Variants in MALRD1 observed in about 807,000 individuals in gnomAD.
MALRD1 encodes MAM and LDL receptor class A domain containing 1.
A neutral mutation model predicts 242.1 loss-of-function variants in MALRD1; 247 were observed. The observed-to-expected ratio is 1.02, with a 90% confidence interval of 0.92 to 1.13. The LOEUF (loss-of-function observed/expected upper bound fraction) is 1.13. MALRD1 is among the 50% of genes most tolerant of loss of function. The probability of loss-of-function intolerance (pLI) is 0.00; values close to 1 mark genes in which losing one functional copy is unlikely to be tolerated. For synonymous variants in MALRD1, 995 were observed against 866.6 expected, an observed-to-expected ratio of 1.15 and a Z score of -2.60; for missense variants, 2,989 against 2,533.1, an observed-to-expected ratio of 1.18 and a Z score of -3.86.
At chr10:19,357,710 A>G (rs1298003247) in intron 26 of MALRD1, among the ~76,000 whole-genome samples, 1 of 152,154 alleles carries the variant, frequency 6.6e-6, no homozygotes, top group African/African-American at 2.4e-5. Flanking sequence ...CACAATGTAA[A>G]CTGGGATAAA....
intron 18 of MALRD1, among the ~76,000 whole-genome samples, chr10:19,225,834 C>T (rs1458268941): frequency 6.6e-6 from 1 of 152,274 alleles, no homozygotes; most frequent in Non-Finnish European, 1.5e-5. Flanking sequence ...ATTTTGCTCT[C>T]CTATATTTCT....
chr10:19,473,047 G>A (rs11010097), intron 29 of MALRD1, among the ~76,000 whole-genome samples: 127,687 of 148,298 alleles, frequency 0.86, 55,125 homozygotes, highest in East Asian at 1. Flanking sequence ...AACGGAAACT[G>A]AAGCTAAACA....
chr10:19,084,905 G>C (rs1835615653), intron 2 of MALRD1, among the ~76,000 whole-genome samples: 1 of 151,938 alleles, frequency 6.6e-6, no homozygotes, highest in African/African-American at 2.4e-5. Flanking sequence ...ACAAGATTAT[G>C]TTACATATGT....
At chr10:19,451,840 C>T (rs1291613153) in intron 29 of MALRD1, among the ~76,000 whole-genome samples, 1 of 152,130 alleles carries the variant, frequency 6.6e-6, no homozygotes, top group African/African-American at 2.4e-5. Flanking sequence ...TACTCAGCTA[C>T]CTTATGTTAA....
intron 38 of MALRD1, among the ~76,000 whole-genome samples, chr10:19,720,582 C>G (rs188270655): frequency 1.3e-5 from 2 of 152,214 alleles, no homozygotes; most frequent in Non-Finnish European, 2.9e-5. Flanking sequence ...ATACATACTC[C>G]GATGATATCC....
chr10:19,686,166 A>G (rs1316533208), intron 36 of MALRD1, among the ~76,000 whole-genome samples: 1 of 126,572 alleles, frequency 7.9e-6, no homozygotes, highest in African/African-American at 3.1e-5. Flanking sequence ...AAGCTTTAGA[A>G]CAGGAATGAA....
At chr10:19,535,246 A>T (rs1288907110) in intron 32 of MALRD1, among the ~76,000 whole-genome samples, 1 of 152,168 alleles carries the variant, frequency 6.6e-6, no homozygotes, top group African/African-American at 2.4e-5. Flanking sequence ...AGCATCAAAT[A>T]GTAGGAATTA....
At chr10:19,543,451 T>TTTTTTTTTTGA (rs1554796763) in intron 32 of MALRD1, among the ~76,000 whole-genome samples, 3 of 143,722 alleles carry the variant, frequency 2.1e-5, no homozygotes, top group Non-Finnish European at 3.0e-5. Context: ...TTTTTTTTTT[T>TTTTTTTTTTGA]GAGAGAGAAA....
intron 24 of MALRD1, among the ~76,000 whole-genome samples, chr10:19,343,013 TTGA>T (rs1755575030): frequency 1.3e-5 from 2 of 152,094 alleles, no homozygotes; most frequent in Non-Finnish European, 2.9e-5. Context: ...TTTCAAAAGG[TTGA>T]TGCACATAGA....
At chr10:19,461,148 G>T (rs1044269027) in intron 29 of MALRD1, among the ~76,000 whole-genome samples, 2 of 152,112 alleles carry the variant, frequency 1.3e-5, no homozygotes, top group Non-Finnish European at 2.9e-5. Context: ...TGGGCGACAA[G>T]ATCATACTAG....
chr10:19,718,182 A>C (rs1356368027), intron 38 of MALRD1, among the ~76,000 whole-genome samples: 1 of 151,914 alleles, frequency 6.6e-6, no homozygotes, highest in South Asian at 2.1e-4. Flanking sequence ...GGAAGAAAGG[A>C]AAAAGAAGAC....
At chr10:19,402,784 T>C (rs571876639) in intron 28 of MALRD1, among the ~76,000 whole-genome samples, 2 of 152,322 alleles carry the variant, frequency 1.3e-5, no homozygotes, top group Admixed American at 6.5e-5. Context: ...CATATCTTTT[T>C]CTACATTTGG....
chr10:19,339,278 C>G (rs1272705421), intron 24 of MALRD1, among the ~76,000 whole-genome samples: 1 of 152,096 alleles, frequency 6.6e-6, no homozygotes, highest in Non-Finnish European at 1.5e-5. Flanking sequence ...CTCAGAATTT[C>G]TGACCTCTCT....
intron 28 of MALRD1, among the ~76,000 whole-genome samples, chr10:19,437,570 C>A (rs977932598): frequency 6.6e-6 from 1 of 151,954 alleles, no homozygotes; most frequent in Non-Finnish European, 1.5e-5. Context: ...ACCTTTGGAT[C>A]TAGATTTCCT....
At chr10:19,233,281 C>T (rs546598064) in intron 18 of MALRD1, among the ~76,000 whole-genome samples, 28 of 152,208 alleles carry the variant, frequency 1.8e-4, no homozygotes, top group African/African-American at 6.0e-4. Context: ...GTGGGCGGAT[C>T]GCCTGAGGTC....
At chr10:19,472,495 G>A (rs896859355) in intron 29 of MALRD1, among the ~76,000 whole-genome samples, 1 of 151,916 alleles carries the variant, frequency 6.6e-6, no homozygotes, top group South Asian at 2.1e-4. Flanking sequence ...TTTAAAAGAA[G>A]AATTTGGTAA....
At chr10:19,341,588 T>TCG (rs1554835851) in intron 24 of MALRD1, among the ~76,000 whole-genome samples, 4 of 148,522 alleles carry the variant, frequency 2.7e-5, no homozygotes, top group African/African-American at 4.9e-5. Flanking sequence ...TATAAAACAC[T>TCG]CACACACACA....
In MALRD1 at chr10:19,190,727, T is replaced by C. The variant is rs540669612; in HGVS notation, c.1952-13001T>C. Among the ~76,000 whole-genome samples, 176 of 151,820 alleles carry C rather than the reference T, an allele frequency of 1.2e-3. 2 individuals are homozygous for C. The Middle Eastern group carries it at 0.014, about 12-fold the overall frequency. The stretch of plus-strand genomic sequence containing the variant: ...GGTAAAATCCAGTATTTTCAATACA[T>C]GCTGCTGGGAAAACTAGATATCAAC... On this transcript the variant is annotated intron_variant, in intron 14 of 39. Coordinates refer to ENST00000454679, the MANE Select transcript of MALRD1 (RefSeq NM_001142308.3).
chr10:19,282,954 T>C (rs1840888617), intron 20 of MALRD1, 65 bp from the exon 21 acceptor site: 1 of 1,175,154 alleles, frequency 8.5e-7, no homozygotes. Flanking sequence ...AAGTGCTGAT[T>C]AAGATTGTAC....
Sources: allele counts gnomAD v4.1 joint callset (sites outside exome capture counted in the v4.1 genomes callset), GRCh38; gene constraint gnomAD v4.1.1; transcripts MANE v1.5; gene names NCBI Gene and HGNC (gene_info 2026-07-23, HGNC 2026-07-21).